Variants in NUP62 observed in about 807,000 individuals in gnomAD.
NUP62 encodes nuclear pore glycoprotein p62.
For synonymous variants in NUP62, 305 were observed against 303.4 expected, an observed-to-expected ratio of 1.01 and a Z score of -0.05; for missense variants, 647 against 689.4, an observed-to-expected ratio of 0.94 and a Z score of 0.69.
intron 2 of NUP62, among the ~76,000 whole-genome samples, chr19:49,913,904 T>C (rs2075550280): frequency 6.6e-6 from 1 of 151,872 alleles, no homozygotes; most frequent in South Asian, 2.1e-4. Context: ...GGATGAACCG[T>C]AGGGGTAGAG....
At chr19:49,927,857 G>C (rs985666273) in intron 1 of NUP62, 42 bp from the exon 2 acceptor site, 2 of 152,308 alleles carry the variant, frequency 1.3e-5, no homozygotes, top group South Asian at 2.1e-4. Context: ...GGCTGGTGGA[G>C]GAGGGCCCAG....
chr19:49,916,504 T>G (rs1164562965), intron 2 of NUP62, among the ~76,000 whole-genome samples: 3 of 151,572 alleles, frequency 2.0e-5, no homozygotes, highest in Non-Finnish European at 4.4e-5. Context: ...CCAGGCGCGG[T>G]GGCTCACGCC....
At chr19:49,910,200 C>A (rs1237327640) in intron 2 of NUP62, among the ~76,000 whole-genome samples, 3 of 152,090 alleles carry the variant, frequency 2.0e-5, no homozygotes, top group Non-Finnish European at 4.4e-5. Context: ...ATTTGAGGCA[C>A]TGCCACAAGC....
At chr19:49,927,401 C>G (rs1012174436) in intron 2 of NUP62, among the ~76,000 whole-genome samples, 13 of 152,068 alleles carry the variant, frequency 8.5e-5, no homozygotes, top group African/African-American at 3.1e-4. Context: ...AAAAAAAAAT[C>G]GCAAAAAATT....
chr19:49,915,752 A>C (rs981387720), intron 2 of NUP62, among the ~76,000 whole-genome samples: 4 of 152,184 alleles, frequency 2.6e-5, no homozygotes, highest in Admixed American at 2.6e-4. Context: ...TACAGAAAGG[A>C]AAGTGAGGTG....
chr19:49,927,606 A>G (rs1336053359), intron 2 of NUP62, 88 bp downstream of exon 2: 2 of 152,252 alleles, frequency 1.3e-5, no homozygotes, highest in African/African-American at 4.8e-5. Flanking sequence ...CAGAGTGGAC[A>G]GTAAGTGCTC....
At position 49,909,212 on chromosome 19, in the gene NUP62, G is replaced by A. The variant is rs779065470; in HGVS notation, c.596C>T (p.Thr199Ile). ...AGCAGCTGGCTGTGTGGCACCTGCT[G>A]TGGTGGCTGCTGGCGTGGCCGGAGT... ...PFTPATPAAT[T>I]AGATQPAAPT... is the part of the protein sequence containing the mutation. Residue 199 changes from threonine to isoleucine, a missense_variant, in exon 3 of 3, where the codon ACA (threonine) becomes ATA (isoleucine). Physicochemically the swap from Thr to Ile is moderately conservative, Grantham distance 89. Transcript: ENST00000352066. 11 of 1,614,072 alleles carry A rather than the reference G, an allele frequency of 6.8e-6. No individual in the cohort carries two copies. The highest frequency in any genetic ancestry group is 2.7e-5 in the African/African-American group (2 of 74,932).
At chr19:49,919,809 A>AAAAAT (rs1568716959) in intron 2 of NUP62, among the ~76,000 whole-genome samples, 1 of 151,676 alleles carries the variant, frequency 6.6e-6, no homozygotes, top group Non-Finnish European at 1.5e-5. Flanking sequence ...CTTAATATAA[A>AAAAAT]AGGACTGGAA....
intron 1 of NUP62, 37 bp from the exon 2 acceptor site, chr19:49,927,852 G>A (rs2075941246): frequency 6.6e-6 from 1 of 152,298 alleles, no homozygotes; most frequent in African/African-American, 2.4e-5. Context: ...ACCTCGGCTG[G>A]TGGAGGAGGG....
intron 2 of NUP62, among the ~76,000 whole-genome samples, chr19:49,926,609 C>T (rs907424851): frequency 3.3e-5 from 5 of 152,188 alleles, no homozygotes; most frequent in South Asian, 2.1e-4. Context: ...ATTCTACCGG[C>T]GGGGCGGGGG....
rs1383368146 is a variant in NUP62 at position 49,908,726 on chromosome 19, C to G, written c.1082G>C (p.Trp361Ser). ...FLQQATQVNA[W>S]DRTLIENGEK... ...TCCATTCTCGATCAGCGTGCGGTCC[C>G]AGGCGTTGACCTGGGTGGCCTGCTG... The change falls in exon 3 of 3, where the codon TGG becomes TCG. Residue 361 changes from tryptophan (W) to serine (S), a missense_variant. Coordinates refer to ENST00000352066, the MANE Select transcript of NUP62 (RefSeq NM_016553.5). 1 of 1,613,118 alleles carries G rather than the reference C, an allele frequency of 6.2e-7. No individual in the cohort carries two copies. Among genetic ancestry groups the G allele is most frequent in the Non-Finnish European group, 8.5e-7 (1 of 1,180,044 alleles).
At position 49,908,777 on chromosome 19, in the gene NUP62, A is replaced by T; in HGVS notation, c.1031T>A (p.Leu344Gln). ...ESLINKWSLE[L>Q]EDQERHFLQQ... ...GAGGAAGTGCCGCTCCTGGTCCTCT[A>T]GCTCCAGGCTCCATTTGTTGATCAG... The change falls in exon 3 of 3, where the codon CTA becomes CAA. Residue 344 changes from leucine (L) to glutamine (Q), a missense_variant. By Grantham distance (113) the Leu-to-Gln change is moderately radical. Transcript: ENST00000352066. 1 of 1,613,728 alleles carries T rather than the reference A, an allele frequency of 6.2e-7. No individual in the cohort carries two copies. The highest frequency in any genetic ancestry group is 8.5e-7 in the Non-Finnish European group (1 of 1,180,028).
At chr19:49,918,235 T>C (rs2075675114) in intron 2 of NUP62, among the ~76,000 whole-genome samples, 2 of 152,076 alleles carry the variant, frequency 1.3e-5, no homozygotes, top group Admixed American at 1.3e-4. Context: ...CCAGCTAATA[T>C]TCGATTTTTT....
At chr19:49,917,254 G>A (rs1385496605) in intron 2 of NUP62, among the ~76,000 whole-genome samples, 1 of 152,190 alleles carries the variant, frequency 6.6e-6, no homozygotes, top group East Asian at 1.9e-4. Flanking sequence ...CTCCAACACT[G>A]CCTTCCCTCA....
rs902105028 is a variant in NUP62 at position 49,908,614 on chromosome 19, G to A, written c.1194C>T (p.Ser398=). The A allele has an allele frequency of 1.6e-5, 26 of 1,613,680 alleles. No homozygotes were observed. The highest frequency in any genetic ancestry group is 1.0e-4 in the Admixed American group (6 of 60,000). Reference sequence around the variant, plus strand: ...GCAGGTCTTCCAGCTCCTTCTGCTGGGACAGGATGAAGTCGAGCTCCTGGT... The same window carrying A: ...GCAGGTCTTCCAGCTCCTTCTGCTGAGACAGGATGAAGTCGAGCTCCTGGT... ...RLDQELDFIL[S]QQKELEDLLS... The change falls in exon 3 of 3, where the codon TCC becomes TCT. Residue 398 remains serine (S), a synonymous_variant. Coordinates refer to ENST00000352066, the MANE Select transcript of NUP62 (RefSeq NM_016553.5).
rs779433826 is a variant in NUP62, at chr19:49,908,283, G to A, written c.1525C>T (p.Arg509Trp). ...VEEVTKVCEG[R>W]RKEQERSFRI... Reference sequence around the variant, plus strand: ...AAGCTGCGCTCCTGCTCCTTGCGCCGGCCCTCGCACACCTTGGTCACCTCC... The same window carrying A: ...AAGCTGCGCTCCTGCTCCTTGCGCCAGCCCTCGCACACCTTGGTCACCTCC... The change falls in exon 3 of 3, where the codon CGG (arginine) becomes TGG (tryptophan). Residue 509 changes from arginine to tryptophan, a missense_variant. Transcript: ENST00000352066. The A allele has an allele frequency of 8.7e-6, 14 of 1,613,732 alleles. No homozygotes were observed. Among genetic ancestry groups the A allele is most frequent in the South Asian group, 5.5e-5 (5 of 91,082 alleles).
intron 2 of NUP62, among the ~76,000 whole-genome samples, chr19:49,914,726 G>GTTTTTT (rs530372497): frequency 0.024 from 1,356 of 56,374 alleles, 313 homozygotes; most frequent in African/African-American, 0.029. Flanking sequence ...CCAAGTCCCA[G>GTTTTTT]TTTTTTTTTT....
intron 2 of NUP62, among the ~76,000 whole-genome samples, chr19:49,924,435 C>T (rs575203764): frequency 6.6e-6 from 1 of 152,234 alleles, no homozygotes; most frequent in African/African-American, 2.4e-5. Flanking sequence ...GTGCTGGGGT[C>T]CCCAGAGAAT....
chr19:49,929,367 G>GGCC lies in NUP62; in HGVS notation c.-244_-242dup, dbSNP rs920055034. On this transcript the variant is annotated 5_prime_UTR_variant, in exon 1 of 3. Transcript: ENST00000352066. The stretch of plus-strand genomic sequence containing the variant: ...GCTCCCACCTTCTTTCTTCAGCCGA[G>GGCC]GCCGCCGCCGCCTCTCCTTGCTGCA... The GGCC allele has an allele frequency of 9.1e-5, 14 of 154,144 alleles. No individual in the cohort carries two copies. The highest frequency in any genetic ancestry group is 2.9e-4 in the African/African-American group (12 of 41,478). 9.5% of individuals were successfully genotyped at this position (154,144 alleles called of 1,614,324 possible).
Sources: allele counts gnomAD v4.1 joint callset (sites outside exome capture counted in the v4.1 genomes callset), GRCh38; gene constraint gnomAD v4.1.1; transcripts MANE v1.5; gene names NCBI Gene and HGNC (gene_info 2026-07-23, HGNC 2026-07-21).